The following PDE4D variants were observed in gnomAD, a reference collection of about 807,000 sequenced individuals.
PDE4D encodes 3',5'-cyclic-AMP phosphodiesterase 4D.
In PDE4D, 24 loss-of-function variants were observed where a neutral mutation model predicts 87.4. The ratio of observed to expected loss-of-function variants is 0.27; its 90% CI spans 0.20 to 0.39. The LOEUF is 0.39. Ranked by LOEUF, PDE4D falls within the 10% of genes least tolerant of loss-of-function variation. The probability of loss-of-function intolerance (pLI) is 1.00; values close to 1 mark genes in which losing one functional copy is unlikely to be tolerated. For synonymous variants in PDE4D, 384 were observed against 383.2 expected, an observed-to-expected ratio of 1.00 and a Z score of -0.02; for missense variants, 714 against 1,041.0, an observed-to-expected ratio of 0.69 and a Z score of 4.32.
At chr5:59,200,328 C>T (rs1370885099) in intron 2 of PDE4D, among the ~76,000 whole-genome samples, 51 of 113,634 alleles carry the variant, frequency 4.5e-4, no homozygotes, top group South Asian at 8.4e-4. Flanking sequence ...TATACATACA[C>T]GTGTATGTAC....
chr5:59,180,375 A>T (rs1181281322), intron 5 of PDE4D: 1 of 702,148 alleles, frequency 1.4e-6, no homozygotes, highest in Admixed American at 1.9e-5. Flanking sequence ...AAATGGTTAA[A>T]AATAATGTAC....
chr5:59,810,784 T>A (rs370541548), intron 1 of PDE4D, among the ~76,000 whole-genome samples: 4 of 152,248 alleles, frequency 2.6e-5, no homozygotes, highest in East Asian at 1.9e-4. Context: ...CAAACTTTAA[T>A]GGCTATTTGT....
intron 3 of PDE4D, among the ~76,000 whole-genome samples, chr5:59,977,554 C>G (rs1329513323): frequency 6.6e-6 from 1 of 152,104 alleles, no homozygotes; most frequent in Non-Finnish European, 1.5e-5. Flanking sequence ...CATAAATACC[C>G]TCTGAACCTA....
chr5:60,413,998 A>C (rs1274512967), intron 1 of PDE4D, among the ~76,000 whole-genome samples: 1 of 152,178 alleles, frequency 6.6e-6, no homozygotes, highest in Non-Finnish European at 1.5e-5. Context: ...AATTGCATGC[A>C]CTTCTGTTTG....
intron 2 of PDE4D, among the ~76,000 whole-genome samples, chr5:60,167,036 T>C (rs1397477931): frequency 1.3e-5 from 2 of 152,182 alleles, no homozygotes; most frequent in African/African-American, 4.8e-5. Context: ...AGTCTTATTT[T>C]AACTGAATCT....
At chr5:59,437,979 G>A (rs181854301) in intron 1 of PDE4D, among the ~76,000 whole-genome samples, 12 of 152,294 alleles carry the variant, frequency 7.9e-5, no homozygotes, top group Non-Finnish European at 1.5e-4. Flanking sequence ...GAGAGAATGA[G>A]TGCCAGCAGG....
rs568235988 is a variant in PDE4D, at chr5:59,676,674, T to A, written c.455+216494A>T. Among the ~76,000 whole-genome samples, 75 of 152,314 alleles carry A rather than the reference T, an allele frequency of 4.9e-4. 1 individual carries two copies. Among genetic ancestry groups the A allele is most frequent in the South Asian group, 4.8e-3 (23 of 4,830 alleles). On this transcript the variant is annotated intron_variant, in intron 1 of 14. Coordinates refer to ENST00000340635, the MANE Select transcript of PDE4D (RefSeq NM_001104631.2). ...TACACATATATTTTTAGATATTTTTTAAATTGATACATAATAATTGTACGT... is the reference window on the plus strand; with the variant it reads ...TACACATATATTTTTAGATATTTTTAAAATTGATACATAATAATTGTACGT...
chr5:59,500,193 T>A (rs1562292045), intron 1 of PDE4D, among the ~76,000 whole-genome samples: 1 of 120,904 alleles, frequency 8.3e-6, no homozygotes, highest in Non-Finnish European at 1.7e-5. Context: ...TGGAAAACAG[T>A]TTGGAGATTT....
At chr5:59,116,649 G>A (rs992468268) in intron 5 of PDE4D, among the ~76,000 whole-genome samples, 42 of 152,234 alleles carry the variant, frequency 2.8e-4, no homozygotes, top group African/African-American at 9.6e-4. Context: ...CGTACTCCAC[G>A]GCTGCAGGAA....
At chr5:59,841,344 C>T (rs1325512941) in intron 1 of PDE4D, among the ~76,000 whole-genome samples, 1 of 152,070 alleles carries the variant, frequency 6.6e-6, no homozygotes, top group Non-Finnish European at 1.5e-5. Context: ...CAGCATCTGA[C>T]TCCTTTTAGA....
intron 1 of PDE4D, among the ~76,000 whole-genome samples, chr5:60,517,063 C>T (rs1750831463): frequency 6.6e-6 from 1 of 152,234 alleles, no homozygotes; most frequent in African/African-American, 2.4e-5. Flanking sequence ...CACTGCCCAG[C>T]CTCTCCCCAC....
intron 1 of PDE4D, among the ~76,000 whole-genome samples, chr5:59,428,496 GAA>G (rs1403519605): frequency 6.6e-6 from 1 of 151,764 alleles, no homozygotes; most frequent in Non-Finnish European, 1.5e-5. Flanking sequence ...GAGATGATAT[GAA>G]AATAAACATA....
At chr5:59,217,088 A>C (rs565010343) in intron 1 of PDE4D, 56 of 397,926 alleles carry the variant, frequency 1.4e-4, no homozygotes, top group African/African-American at 1.0e-3. Flanking sequence ...GAAAAAATCT[A>C]CACACACAGT....
At chr5:60,295,009 T>A (rs2149781337) in intron 1 of PDE4D, among the ~76,000 whole-genome samples, 1 of 152,250 alleles carries the variant, frequency 6.6e-6, no homozygotes, top group Non-Finnish European at 1.5e-5. Context: ...AGTATATCTC[T>A]CCATTTATTG....
intron 1 of PDE4D, among the ~76,000 whole-genome samples, chr5:60,353,160 G>C (rs993066907): frequency 1.1e-4 from 17 of 152,182 alleles, no homozygotes; most frequent in Non-Finnish European, 2.2e-4. Context: ...CTGGGATCAG[G>C]AAGCTACCTG....
At chr5:59,713,993 T>C (rs941128162) in intron 1 of PDE4D, among the ~76,000 whole-genome samples, 3 of 152,118 alleles carry the variant, frequency 2.0e-5, no homozygotes, top group African/African-American at 7.2e-5. Flanking sequence ...CCTGAAGGCC[T>C]GGCATAGGGT....
chr5:59,252,669 G>A lies in PDE4D; in HGVS notation c.456-36701C>T, dbSNP rs566896261. ...CTCGAGTAGGTGGGACTACAGGTGT[G>A]TGCAACCACGCCTGGAGAATTTTTA... On this transcript the variant is annotated intron_variant, in intron 1 of 14. Coordinates refer to ENST00000340635, the MANE Select transcript of PDE4D (RefSeq NM_001104631.2). Among the ~76,000 whole-genome samples the A allele has an allele frequency of 7.2e-5, 11 of 152,096 alleles. No individual in the cohort carries two copies. In the South Asian group the frequency reaches 2.1e-3, roughly 29 times the overall value.
chr5:59,315,063 G>A lies in PDE4D; in HGVS notation c.456-99095C>T, dbSNP rs1773440879. Among the ~76,000 whole-genome samples the A allele has an allele frequency of 2.6e-5, 4 of 152,268 alleles. No homozygotes were observed. The South Asian group carries it at 8.3e-4, about 32-fold the overall frequency. ...TTGGAATCCAATCTGTGAGATGGGA[G>A]CCTGCTGGCAGAAACCCCTCTCACT... On this transcript the variant is annotated intron_variant, in intron 1 of 14. Coordinates refer to ENST00000340635, the MANE Select transcript of PDE4D (RefSeq NM_001104631.2).
At chr5:59,726,978 G>A (rs1756690518) in intron 1 of PDE4D, among the ~76,000 whole-genome samples, 1 of 151,996 alleles carries the variant, frequency 6.6e-6, no homozygotes, top group South Asian at 2.1e-4. Flanking sequence ...ACAAAGATAA[G>A]GGAGATACAT....
Sources: gnomAD v4.1 joint callset for allele counts (sites outside exome capture counted in the v4.1 genomes callset) on GRCh38, gnomAD v4.1.1 for gene constraint, MANE v1.5 for transcripts, NCBI Gene and HGNC (gene_info 2026-07-23, HGNC 2026-07-21) for gene names.